Variants in PHIP observed in about 807,000 individuals in gnomAD.
PHIP encodes PH-interacting protein.
Under a neutral mutation model 236.8 loss-of-function variants are expected in PHIP, and 54 were observed. The observed-to-expected ratio is 0.23, with a 90% CI of 0.18 to 0.29. The LOEUF (loss-of-function observed/expected upper bound fraction) is 0.29. Among genes scored for constraint, PHIP ranks in the 10% least tolerant of loss-of-function variants. PHIP has a pLI of 1.00. For missense variants in PHIP, 1,370 were observed against 2,190.8 expected (o/e 0.63, Z 7.48); for synonymous variants, 756 against 718.9 (o/e 1.05, Z -0.83).
rs1178303763 is a variant in PHIP at position 79,059,608 on chromosome 6, TATATATATATATATATAA to T, written c.439+852_439+869del. Among the ~76,000 whole-genome samples, 1,098 of 116,206 alleles carry T rather than the reference TATATATATATATATATAA, an allele frequency of 9.4e-3. 28 individuals carry two copies. The highest frequency in any genetic ancestry group is 0.029 in the African/African-American group (1,006 of 34,842). 76.2% of individuals were successfully genotyped at this position (116,206 alleles called of 152,430 possible). A position where few individuals can be genotyped will look rare whatever the true frequency, so the allele number is the denominator to read the frequency against. On this transcript the variant is annotated intron_variant, in intron 6 of 39. Transcript: ENST00000275034. ...AAGCAAAATTATATATATATATATA[TATATATATATATATATAA>T]AAATGCCAAACAAAAGTCATATAAA... is the stretch of plus-strand genomic sequence containing the variant.
chr6:79,026,474 A>T (rs1771407384), intron 7 of PHIP, among the ~76,000 whole-genome samples: 1 of 152,144 alleles, frequency 6.6e-6, no homozygotes, highest in Non-Finnish European at 1.5e-5. Context: ...AAATAAAAAA[A>T]AAAAAATCAT....
intron 39 of PHIP, among the ~76,000 whole-genome samples, chr6:78,942,903 A>C (rs1773575923): frequency 1.3e-5 from 2 of 152,242 alleles, no homozygotes; most frequent in South Asian, 4.1e-4. Context: ...AAAAAGGTTA[A>C]GAATGAATGC....
At chr6:78,981,190 T>C (rs1451170207) in intron 23 of PHIP, among the ~76,000 whole-genome samples, 1 of 152,010 alleles carries the variant, frequency 6.6e-6, no homozygotes, top group Non-Finnish European at 1.5e-5. Context: ...ATGGAAAGTA[T>C]AAATAATTTC....
chr6:79,033,152 T>C (rs1340725068), intron 7 of PHIP, among the ~76,000 whole-genome samples: 1 of 152,052 alleles, frequency 6.6e-6, no homozygotes, highest in Non-Finnish European at 1.5e-5. Flanking sequence ...ATCCAGACTT[T>C]GTAGTTCCCT....
chr6:79,004,466 C>T (rs1289506905), intron 15 of PHIP: 1 of 948,476 alleles, frequency 1.1e-6, no homozygotes. Context: ...GGCCAATCAC[C>T]ACTCTGAATT....
intron 7 of PHIP, among the ~76,000 whole-genome samples, chr6:79,028,611 A>C (rs910377567): frequency 2.0e-5 from 3 of 152,206 alleles, no homozygotes; most frequent in African/African-American, 7.2e-5. Flanking sequence ...CATTCAAATT[A>C]AGTTCTCTAC....
intron 23 of PHIP, among the ~76,000 whole-genome samples, chr6:78,980,859 C>T (rs1572585): frequency 0.45 from 68,098 of 151,742 alleles, 15,932 homozygotes; most frequent in East Asian, 0.69. Flanking sequence ...ATTCTAGCCT[C>T]AATATGGACT....
At chr6:79,027,798 G>A (rs1333643724) in intron 7 of PHIP, among the ~76,000 whole-genome samples, 1 of 152,114 alleles carries the variant, frequency 6.6e-6, no homozygotes, top group African/African-American at 2.4e-5. Flanking sequence ...AGAGTCTCAC[G>A]CAAGAAGAGG....
chr6:79,063,660 G>A (rs368202294), intron 4 of PHIP, among the ~76,000 whole-genome samples: 178 of 152,066 alleles, frequency 1.2e-3, no homozygotes, highest in African/African-American at 4.1e-3. Context: ...CAAGTAATTC[G>A]CCCCCTAGGC....
rs374328329 is a variant in PHIP at position 78,955,496 on chromosome 6, A to G, written c.3852+117T>C. On this transcript the variant is annotated intron_variant, in intron 33 of 39. Transcript: ENST00000275034. Reference sequence around the variant, plus strand: ...ACTGCCAGTTGTTTTTTTTTTTTAAATTAACTACACTAGACAAAAAATAAT... The same window carrying G: ...ACTGCCAGTTGTTTTTTTTTTTTAAGTTAACTACACTAGACAAAAAATAAT... 7.4e-4 allele frequency: 406 copies of G among 547,628 alleles called. 3 individuals carry two copies. Among genetic ancestry groups the G allele is most frequent in the South Asian group, 5.2e-3 (169 of 32,456 alleles). The allele number at this position is 547,628 out of a possible 1,614,324, so 33.9% of individuals were successfully genotyped here.
At chr6:79,006,232 A>C (rs1322972502) in intron 15 of PHIP, among the ~76,000 whole-genome samples, 1 of 152,000 alleles carries the variant, frequency 6.6e-6, no homozygotes, top group Non-Finnish European at 1.5e-5. Flanking sequence ...TTAAAAGACC[A>C]ACTCTCTATT....
intron 15 of PHIP, among the ~76,000 whole-genome samples, chr6:79,004,828 T>G: frequency 6.6e-6 from 1 of 152,112 alleles, no homozygotes; most frequent in East Asian, 1.9e-4. Context: ...GTATTAAAAA[T>G]GTGGCATAAG....
chr6:78,965,668 A>G, intron 29 of PHIP, 35 bp downstream of exon 29: 1 of 1,187,524 alleles, frequency 8.4e-7, no homozygotes, highest in Non-Finnish European at 1.2e-6. Context: ...AATTAACTCC[A>G]TAATGGAGAA....
intron 4 of PHIP, among the ~76,000 whole-genome samples, chr6:79,075,847 C>A (rs1347592952): frequency 6.6e-6 from 1 of 151,980 alleles, no homozygotes; most frequent in East Asian, 1.9e-4. Context: ...AAAACCTGCC[C>A]CATCTTAAAA....
chr6:79,017,820 A>C (rs1770907620), intron 10 of PHIP, among the ~76,000 whole-genome samples: 1 of 151,962 alleles, frequency 6.6e-6, no homozygotes, highest in African/African-American at 2.4e-5. Context: ...TTTGCTCAAA[A>C]AATAATTTCA....
intron 7 of PHIP, among the ~76,000 whole-genome samples, chr6:79,042,281 C>T (rs1454041810): frequency 6.6e-6 from 1 of 151,826 alleles, no homozygotes; most frequent in Non-Finnish European, 1.5e-5. Flanking sequence ...AATAAACAAA[C>T]CCAAAGAGGC....
intron 16 of PHIP, among the ~76,000 whole-genome samples, chr6:79,003,047 C>A (rs1448432870): frequency 1.3e-5 from 2 of 151,958 alleles, no homozygotes; most frequent in African/African-American, 4.8e-5. Flanking sequence ...ACCTTTTATA[C>A]CATTCCACCA....
At chr6:79,032,770 T>G (rs1421958437) in intron 7 of PHIP, among the ~76,000 whole-genome samples, 1 of 151,662 alleles carries the variant, frequency 6.6e-6, no homozygotes, top group Non-Finnish European at 1.5e-5. Context: ...ATGTTCTTAA[T>G]GGCATCTAGA....
intron 6 of PHIP, among the ~76,000 whole-genome samples, chr6:79,056,792 T>A (rs1185766180): frequency 1.3e-5 from 2 of 152,134 alleles, no homozygotes; most frequent in African/African-American, 4.8e-5. Context: ...AAGTAGCAAT[T>A]AAGTTCTGGG....
Sources: allele counts gnomAD v4.1 joint callset (sites outside exome capture counted in the v4.1 genomes callset), GRCh38; gene constraint gnomAD v4.1.1; transcripts MANE v1.5; gene names NCBI Gene and HGNC (gene_info 2026-07-23, HGNC 2026-07-21).